The following SYN2 variants were observed in gnomAD, a reference collection of about 807,000 sequenced individuals.
SYN2 encodes the protein synapsin II, also known as synapsin-2.
A neutral mutation model predicts 50.9 loss-of-function variants in SYN2; 19 were observed. The ratio of observed to expected loss-of-function variants is 0.37; its 90% CI spans 0.26 to 0.55. SYN2 has a LOEUF of 0.55. Among genes scored for constraint, SYN2 ranks in the 20% least tolerant of loss-of-function variants. The probability of loss-of-function intolerance (pLI) is 0.81; values close to 1 mark genes in which losing one functional copy is unlikely to be tolerated. For missense variants in SYN2, 587 were observed against 576.4 expected (o/e 1.02, Z -0.19); for synonymous variants, 255 against 224.9 (o/e 1.13, Z -1.20).
intron 10 of SYN2, among the ~76,000 whole-genome samples, chr3:12,177,150 C>CT (rs1205280595): frequency 2.0e-5 from 3 of 152,110 alleles, no homozygotes; most frequent in Admixed American, 2.0e-4. Flanking sequence ...TCTACCAGTC[C>CT]TTTTTTGTAC....
At chr3:12,181,169 C>T (rs1206625715) in intron 10 of SYN2, among the ~76,000 whole-genome samples, 3 of 152,240 alleles carry the variant, frequency 2.0e-5, no homozygotes, top group African/African-American at 7.2e-5. Flanking sequence ...CCTGGTTCTG[C>T]TCTTATGCCA....
intron 2 of SYN2, among the ~76,000 whole-genome samples, chr3:12,141,109 A>G (rs767205816): frequency 3.9e-5 from 6 of 152,046 alleles, no homozygotes; most frequent in Admixed American, 1.3e-4. Flanking sequence ...GCCCCGAGTG[A>G]TGGCTCCTTT....
chr3:12,036,021 GT>G (rs1322605594), intron 1 of SYN2, among the ~76,000 whole-genome samples: 1 of 152,212 alleles, frequency 6.6e-6, no homozygotes, highest in African/African-American at 2.4e-5. Flanking sequence ...CTGCCTTCTT[GT>G]TTATCAGATG....
At chr3:12,009,839 G>A (rs1002395596) in intron 1 of SYN2, among the ~76,000 whole-genome samples, 1 of 152,184 alleles carries the variant, frequency 6.6e-6, no homozygotes, top group East Asian at 1.9e-4. Context: ...GGTGGCTCAC[G>A]CCTGTAATCC....
chr3:12,070,722 A>G, intron 1 of SYN2: 5 of 931,080 alleles, frequency 5.4e-6, no homozygotes, highest in East Asian at 8.1e-5. Context: ...TCACTCATAC[A>G]GTGCCCATCT....
intron 11 of SYN2, chr3:12,185,612 T>C: frequency 1.0e-6 from 1 of 985,928 alleles, no homozygotes; most frequent in African/African-American, 1.7e-5. Flanking sequence ...TTGTCCCCTT[T>C]TTTTGTACTG....
chr3:12,026,866 C>A (rs1039310993), intron 1 of SYN2, among the ~76,000 whole-genome samples: 2 of 152,016 alleles, frequency 1.3e-5, no homozygotes, highest in Non-Finnish European at 2.9e-5. Context: ...GACCCTGATC[C>A]ACACAGCAGT....
At chr3:12,184,322 A>G in intron 11 of SYN2, 1 of 985,854 alleles carries the variant, frequency 1.0e-6, no homozygotes, top group Non-Finnish European at 1.2e-6. Flanking sequence ...GGATCCAGCC[A>G]TGTGTGCGCT....
intron 1 of SYN2, among the ~76,000 whole-genome samples, chr3:12,052,103 A>G (rs1574911509): frequency 6.6e-6 from 1 of 152,308 alleles, no homozygotes. Flanking sequence ...TATGGGATCG[A>G]TATTCACATT....
chr3:12,043,132 C>G (rs1694657358), intron 1 of SYN2, among the ~76,000 whole-genome samples: 2 of 151,832 alleles, frequency 1.3e-5, no homozygotes, highest in Admixed American at 6.6e-5. Context: ...AGGCGATCCT[C>G]CCACCTCGGC....
At chr3:12,130,922 G>A (rs1696785427) in intron 1 of SYN2, among the ~76,000 whole-genome samples, 3 of 152,232 alleles carry the variant, frequency 2.0e-5, no homozygotes, top group Non-Finnish European at 1.5e-5. Flanking sequence ...GGTCAGGGAA[G>A]ATTTCCTAAG....
At position 12,016,628 on chromosome 3, in the gene SYN2, G is replaced by A. The variant is rs1266909806; in HGVS notation, c.377+11700G>A. 5.9e-5 allele frequency among the ~76,000 whole-genome samples: 9 copies of A among 152,216 alleles called. No individual in the cohort carries two copies. The South Asian group carries it at 1.0e-3, about 18-fold the overall frequency. On this transcript the variant is annotated intron_variant, in intron 1 of 12. Transcript: ENST00000621198. ...TCCCAGCTCTTTGGGAAGCTGAGGCGGGCAGATCACTTAAGGTCAGGAGTT... is the reference window on the plus strand; with the variant it reads ...TCCCAGCTCTTTGGGAAGCTGAGGCAGGCAGATCACTTAAGGTCAGGAGTT...
chr3:12,088,316 A>G (rs1202218863), intron 1 of SYN2, among the ~76,000 whole-genome samples: 3 of 152,236 alleles, frequency 2.0e-5, no homozygotes, highest in Admixed American at 6.5e-5. Context: ...TAAATGCTCA[A>G]TATCTCTAAT....
chr3:12,057,146 G>T (rs534969053), intron 1 of SYN2, among the ~76,000 whole-genome samples: 15 of 152,204 alleles, frequency 9.9e-5, no homozygotes, highest in African/African-American at 3.1e-4. Context: ...ACAAAAATTA[G>T]CTGGGCGTGG....
chr3:12,176,422 T>C (rs1698069692), intron 10 of SYN2, among the ~76,000 whole-genome samples: 1 of 152,258 alleles, frequency 6.6e-6, no homozygotes, highest in Non-Finnish European at 1.5e-5. Context: ...ACTGACGGGC[T>C]GAGGTGGGAA....
chr3:12,021,084 A>G (rs1694125126), intron 1 of SYN2, among the ~76,000 whole-genome samples: 2 of 152,188 alleles, frequency 1.3e-5, no homozygotes, highest in South Asian at 4.1e-4. Flanking sequence ...TAATTTTGAC[A>G]TATGCCAGTC....
At chr3:12,038,377 T>A (rs1054212751) in intron 1 of SYN2, among the ~76,000 whole-genome samples, 53 of 152,244 alleles carry the variant, frequency 3.5e-4, no homozygotes, top group African/African-American at 1.2e-3. Flanking sequence ...TGTTGTTTTT[T>A]AAAAAAAAAC....
At chr3:12,057,424 C>A (rs758087078) in intron 1 of SYN2, among the ~76,000 whole-genome samples, 38 of 151,936 alleles carry the variant, frequency 2.5e-4, no homozygotes, top group Non-Finnish European at 4.3e-4. Context: ...TATAGTCCAG[C>A]AGCTGAGAAG....
Position 12,169,887 on chromosome 3 carries a change from TA to T in SYN2, c.1291del (p.Thr431GlnfsTer113), listed in dbSNP as rs1697900730. ...RTPALSPQRP[L>X]TTQQPQSGTL... ...CCTGCCCTGTCTCCTCAGAGACCCC[TA>T]ACAACCCAGCAGCCACAGGTAAGCA... is the stretch of plus-strand genomic sequence containing the variant. On this transcript the variant is annotated frameshift_variant, in exon 10 of 13. Coordinates refer to ENST00000621198, the MANE Select transcript of SYN2 (RefSeq NM_133625.6). LOFTEE classifies it high-confidence loss of function. 1 of 1,610,552 alleles carries T rather than the reference TA, an allele frequency of 6.2e-7. No individual in the cohort carries two copies. The highest frequency in any genetic ancestry group is 1.3e-5 in the African/African-American group (1 of 74,790).
Sources: gnomAD v4.1 joint callset for allele counts (sites outside exome capture counted in the v4.1 genomes callset) on GRCh38, gnomAD v4.1.1 for gene constraint, MANE v1.5 for transcripts, NCBI Gene and HGNC (gene_info 2026-07-23, HGNC 2026-07-21) for gene names.